The following GTPBP1 variants were observed in gnomAD, a reference collection of about 807,000 sequenced individuals.
The protein encoded by GTPBP1 is GTP-binding protein 1.
Under a neutral mutation model 62.0 loss-of-function variants are expected in GTPBP1, and 23 were observed. The observed-to-expected ratio is 0.37, with a 90% CI of 0.27 to 0.53. The LOEUF (loss-of-function observed/expected upper bound fraction) is 0.53, where lower values mean the gene tolerates loss of function less well. Ranked by LOEUF, GTPBP1 falls within the 20% of genes least tolerant of loss-of-function variation. The pLI, the probability that GTPBP1 is intolerant of heterozygous loss-of-function variation, is 0.89. For missense variants in GTPBP1, 640 were observed against 917.3 expected, an observed-to-expected ratio of 0.70 and a Z score of 3.90; for synonymous variants, 344 against 364.4, an observed-to-expected ratio of 0.94 and a Z score of 0.64.
At chr22:38,722,626 G>C (rs1193419757) in intron 5 of GTPBP1, 2 of 1,346,228 alleles carry the variant, frequency 1.5e-6, no homozygotes, top group African/African-American at 2.9e-5. Context: ...ATATTTATGA[G>C]TACAAGCATA....
rs965527094 is a variant in GTPBP1, at chr22:38,731,380, T to A, written c.*676T>A. On this transcript the variant is annotated 3_prime_UTR_variant, in exon 12 of 12. Coordinates refer to ENST00000216044, the MANE Select transcript of GTPBP1 (RefSeq NM_004286.5). ...CCTTTAAGCCCACAGATTCAGGTCATGCCAAAAGCTCTCTGGTTGTAACCT... is the reference window on the plus strand; with the variant it reads ...CCTTTAAGCCCACAGATTCAGGTCAAGCCAAAAGCTCTCTGGTTGTAACCT... The A allele has an allele frequency of 5.9e-5, 9 of 152,570 alleles. No individual in the cohort carries two copies. The highest frequency in any genetic ancestry group is 1.9e-4 in the African/African-American group (8 of 41,436). 9.5% of individuals were successfully genotyped at this position (152,570 alleles called of 1,614,324 possible).
Position 38,706,047 on chromosome 22 carries a change from C to T in GTPBP1, c.92C>T (p.Ala31Val). 1 of 1,372,296 alleles carries T rather than the reference C, an allele frequency of 7.3e-7. No homozygotes were observed. Among genetic ancestry groups the T allele is most frequent in the Non-Finnish European group, 9.4e-7 (1 of 1,063,758 alleles). The allele number at this position is 1,372,296 out of a possible 1,614,324, so 85.0% of individuals were successfully genotyped here. The change falls in exon 1 of 12, where the codon GCC becomes GTC. Residue 31 changes from alanine to valine, a missense_variant. By Grantham distance (64) the Ala-to-Val change is moderately conservative. This residue lies in a region of GTPBP1 where 215 missense variants were observed against 235.1 expected (regional missense o/e 0.91). Coordinates refer to ENST00000216044, the MANE Select transcript of GTPBP1 (RefSeq NM_004286.5). ...PEPSSPGAAR[A>V]AAAAARLHGG... The stretch of plus-strand genomic sequence containing the variant: ...CCCAGCTCCCCGGGGGCGGCCAGGG[C>T]CGCGGCGGCCGCCGCCCGACTCCAC...
At position 38,716,185 on chromosome 22, in the gene GTPBP1, C is replaced by A; in HGVS notation, c.485+98C>A. ...CGTGTCAGCTCCATCCTTTCCCCTC[C>A]TGAGGCGGGGAAAGAGTGTCCAGGT... On this transcript the variant is annotated intron_variant, in intron 3 of 11. Coordinates refer to ENST00000216044, the MANE Select transcript of GTPBP1 (RefSeq NM_004286.5). The surrounding 1 kb of genome is among the most constrained non-coding windows in gnomAD (Gnocchi z 5.2). The A allele has an allele frequency of 1.0e-6, 1 of 987,928 alleles. No individual in the cohort carries two copies. The highest frequency in any genetic ancestry group is 1.5e-6 in the Non-Finnish European group (1 of 646,820). The allele number at this position is 987,928 out of a possible 1,614,324, so 61.2% of individuals were successfully genotyped here. A position where few individuals can be genotyped will look rare whatever the true frequency, so the allele number is the denominator to read the frequency against.
downstream of GTPBP1, chr22:38,736,105 C>T: frequency 1.4e-6 from 1 of 726,400 alleles, no homozygotes. Flanking sequence ...CTCGAGCCAC[C>T]TGCTGCTCAG....
downstream of GTPBP1, among the ~76,000 whole-genome samples, chr22:38,737,602 C>T (rs1302609055): frequency 1.3e-5 from 2 of 152,174 alleles, no homozygotes; most frequent in Non-Finnish European, 1.5e-5. The surrounding 1 kb of genome is among the most constrained non-coding windows in gnomAD (Gnocchi z 4.1). Flanking sequence ...CACTGTCCCT[C>T]GTCCACCTCC....
chr22:38,707,564 T>C (rs936514372), intron 1 of GTPBP1, among the ~76,000 whole-genome samples: 4 of 152,216 alleles, frequency 2.6e-5, no homozygotes, highest in African/African-American at 4.8e-5. Context: ...TTACAAGCTC[T>C]GATGAGTCAA....
At chr22:38,708,085 C>G (rs2092616782) in intron 1 of GTPBP1, among the ~76,000 whole-genome samples, 2 of 152,204 alleles carry the variant, frequency 1.3e-5, no homozygotes, top group Non-Finnish European at 1.5e-5. Context: ...ATTATATTTG[C>G]TCTTTACAGT....
chr22:38,722,625 A>G, intron 5 of GTPBP1: 1 of 1,308,006 alleles, frequency 7.6e-7, no homozygotes, highest in South Asian at 1.4e-5. Flanking sequence ...AATATTTATG[A>G]GTACAAGCAT....
downstream of GTPBP1, chr22:38,737,631 A>G (rs867270874): frequency 1.7e-4 from 52 of 307,284 alleles, no homozygotes; most frequent in African/African-American, 1.1e-3. The surrounding 1 kb of genome is among the most constrained non-coding windows in gnomAD (Gnocchi z 4.1). Context: ...CGCCAACCCA[A>G]TTCCTCACTC....
chr22:38,739,680 G>C (rs369141738), downstream of GTPBP1: 5 of 1,596,658 alleles, frequency 3.1e-6, no homozygotes, highest in Non-Finnish European at 4.3e-6. The surrounding 1 kb of genome is among the most constrained non-coding windows in gnomAD (Gnocchi z 6.7). Context: ...CCAGGGAGGA[G>C]AGCTGTGGGT....
chr22:38,725,757 A>G, intron 6 of GTPBP1: 1 of 501,944 alleles, frequency 2.0e-6, no homozygotes, highest in East Asian at 3.2e-5. Context: ...GGTGGAGGAC[A>G]GAGAGGAGAG....
Position 38,716,255 on chromosome 22 carries a change from C to T in GTPBP1, c.485+168C>T. The T allele has an allele frequency of 1.6e-6, 1 of 633,068 alleles. No individual in the cohort carries two copies. The highest frequency in any genetic ancestry group is 1.9e-5 in the South Asian group (1 of 51,442). 39.2% of individuals were successfully genotyped at this position (633,068 alleles called of 1,614,324 possible). ...TTGCTCTAATTCTGCACTTCCCTGT[C>T]ACTTTGGGAAGAGCACGAGAGAGGC... On this transcript the variant is annotated intron_variant, in intron 3 of 11. Transcript: ENST00000216044. The surrounding 1 kb of genome is among the most constrained non-coding windows in gnomAD (Gnocchi z 5.2).
rs2092766018 is a variant in GTPBP1 at position 38,732,444 on chromosome 22, C to CAG, written c.*1740_*1741insAG. ...CACGGGACAAGCTTACAAACCTTCT[C>CAG]TGAACCTCAGTTTTCTCATTTACAA... On this transcript the variant is annotated 3_prime_UTR_variant, in exon 12 of 12. Transcript: ENST00000216044. 6.6e-6 allele frequency: 1 copy of CAG among 152,282 alleles called. No individual in the cohort carries two copies. Among genetic ancestry groups the CAG allele is most frequent in the African/African-American group, 2.4e-5 (1 of 41,456 alleles). 9.4% of individuals were successfully genotyped at this position (152,282 alleles called of 1,614,324 possible). A position where few individuals can be genotyped will look rare whatever the true frequency, so the allele number is the denominator to read the frequency against.
In GTPBP1 at chr22:38,730,640, G is replaced by A. The variant is rs374807606; in HGVS notation, c.1946G>A (p.Arg649Gln). ...AAGCCCAGCAGTGGAGGCCGGCGAC[G>A]AGGGGGCCAGCGCCACAAGGTGAAG... is the stretch of plus-strand genomic sequence containing the variant. ...QPKPSSGGRR[R>Q]GGQRHKVKSQ... Residue 649 changes from arginine to glutamine, a missense_variant, in exon 12 of 12, where the codon CGA (arginine) becomes CAA (glutamine). Arg to Gln is a conservative substitution (Grantham distance 43). Coordinates refer to ENST00000216044, the MANE Select transcript of GTPBP1 (RefSeq NM_004286.5). The surrounding 1 kb of genome is among the most constrained non-coding windows in gnomAD (Gnocchi z 5.6). The A allele has an allele frequency of 5.0e-6, 8 of 1,606,318 alleles. No homozygotes were observed. Among genetic ancestry groups the A allele is most frequent in the Non-Finnish European group, 5.1e-6 (6 of 1,179,200 alleles).
chr22:38,734,234 T>G (rs2092781723), downstream of GTPBP1: 1 of 453,596 alleles, frequency 2.2e-6, no homozygotes, highest in African/African-American at 2.0e-5. Flanking sequence ...GCGAACCAGG[T>G]CTGGGGAGCT....
rs2092773440 is a variant in GTPBP1 at position 38,733,345 on chromosome 22, A to G, written c.*2641A>G. 1.3e-5 allele frequency: 2 copies of G among 152,272 alleles called. No homozygotes were observed. Among genetic ancestry groups the G allele is most frequent in the South Asian group, 4.1e-4 (2 of 4,828 alleles). The allele number at this position is 152,272 out of a possible 1,614,324, so 9.4% of individuals were successfully genotyped here. A position where few individuals can be genotyped will look rare whatever the true frequency, so the allele number is the denominator to read the frequency against. ...ACAAACAGCAGTACTTGCCAGAACCATTCTTGGGATTCAGGAGCTCGGGCG... is the reference window on the plus strand; with the variant it reads ...ACAAACAGCAGTACTTGCCAGAACCGTTCTTGGGATTCAGGAGCTCGGGCG... On this transcript the variant is annotated 3_prime_UTR_variant, in exon 12 of 12. Transcript: ENST00000216044.
Position 38,729,494 on chromosome 22 carries a change from C to T in GTPBP1, c.1749C>T (p.Asn583=). Reference sequence around the variant, plus strand: ...AGACCACCAACAACTCCCCAATGAACTCCAAGCCGCAGCAGATTAAAATGC... The same window carrying T: ...AGACCACCAACAACTCCCCAATGAATTCCAAGCCGCAGCAGATTAAAATGC... ...LLQTTNNSPM[N]SKPQQIKMQS... is the part of the protein sequence containing the mutation. Residue 583 remains asparagine (N), a synonymous_variant, in exon 11 of 12, where the codon AAC becomes AAT. Transcript: ENST00000216044. The T allele has an allele frequency of 6.2e-7, 1 of 1,609,538 alleles. No homozygotes were observed. The highest frequency in any genetic ancestry group is 1.1e-5 in the South Asian group (1 of 90,560).
chr22:38,713,643 G>C (rs958369215), intron 2 of GTPBP1, among the ~76,000 whole-genome samples: 1 of 152,182 alleles, frequency 6.6e-6, no homozygotes, highest in Non-Finnish European at 1.5e-5. Flanking sequence ...TCTGGTTTTG[G>C]AATCTGAAGA....
In GTPBP1 at chr22:38,724,444, C is replaced by T. The variant is rs780118658; in HGVS notation, c.1073+33C>T. On this transcript the variant is annotated intron_variant, in intron 6 of 11. Coordinates refer to ENST00000216044, the MANE Select transcript of GTPBP1 (RefSeq NM_004286.5). ...GTGGGGAGCGCACACTTCAGACAGG[C>T]ACCCTTGCAGGCAGGACCACAGTGA... 1.0e-5 allele frequency: 13 copies of T among 1,294,132 alleles called. No individual in the cohort carries two copies. In the East Asian group the frequency reaches 3.0e-4, roughly 30 times the overall value. The allele number at this position is 1,294,132 out of a possible 1,614,324, so 80.2% of individuals were successfully genotyped here.
Sources: allele counts gnomAD v4.1 joint callset (sites outside exome capture counted in the v4.1 genomes callset), GRCh38; gene constraint gnomAD v4.1.1; regional missense constraint gnomAD v4.1.1; non-coding constraint Gnocchi (gnomAD v3.1); transcripts MANE v1.5; gene names NCBI Gene and HGNC (gene_info 2026-07-23, HGNC 2026-07-21).